The following DLG3 variants were observed in gnomAD, a reference collection of about 807,000 sequenced individuals.
DLG3 encodes the protein discs large MAGUK scaffold protein 3, also known as disks large homolog 3.
Under a neutral mutation model 64.1 loss-of-function variants are expected in DLG3, and 1 was observed. The ratio of observed to expected loss-of-function variants is 0.02; its 90% CI spans 0.01 to 0.07. DLG3 has a LOEUF of 0.07. DLG3 is among the 10% of genes least tolerant of loss of function. The pLI, the probability that DLG3 is intolerant of heterozygous loss-of-function variation, is 1.00. For missense variants in DLG3, 429 were observed against 669.5 expected, an observed-to-expected ratio of 0.64 and a Z score of 3.96; for synonymous variants, 245 against 259.8, an observed-to-expected ratio of 0.94 and a Z score of 0.55.
intron 9 of DLG3, chrX:70,456,034 G>C (rs1004066016): frequency 8.9e-6 from 1 of 112,265 alleles, no homozygotes; most frequent in Non-Finnish European, 1.9e-5. Flanking sequence ...CCTTTTCCAC[G>C]AGGCTCTTCT....
intron 7 of DLG3, chrX:70,452,589 A>G: frequency 8.5e-7 from 1 of 1,172,322 alleles, no homozygotes; most frequent in Non-Finnish European, 1.1e-6. Context: ...TGGAGCCGGA[A>G]GGGTAGGCAG....
chrX:70,457,745 G>A (rs1480955615), intron 9 of DLG3, among the ~76,000 whole-genome samples: 3 of 109,153 alleles, frequency 2.7e-5, no homozygotes, highest in Non-Finnish European at 5.7e-5. Context: ...CTAATTTTTT[G>A]TATTTTTAGT....
At chrX:70,489,894 G>A (rs749150342) in intron 10 of DLG3, among the ~76,000 whole-genome samples, 1 of 109,596 alleles carries the variant, frequency 9.1e-6, no homozygotes, top group Non-Finnish European at 1.9e-5. Context: ...ACAGAGTCTC[G>A]CTCTGTCACC....
chrX:70,451,953 G>A lies in DLG3; in HGVS notation c.1072G>A (p.Ala358Thr), dbSNP rs2086622825. 3.3e-6 allele frequency: 4 copies of A among 1,209,073 alleles called. No individual in the cohort carries two copies. The highest frequency in any genetic ancestry group is 1.8e-5 in the South Asian group (1 of 56,668). The change falls in exon 7 of 19, where the codon GCT (alanine) becomes ACT (threonine). Residue 358 changes from alanine (A) to threonine (T), a missense_variant. By Grantham distance (58) the Ala-to-Thr change is moderately conservative (BLOSUM62 0). This residue lies in a region of DLG3 where 54 missense variants were observed against 54.4 expected (regional missense o/e 0.99). Coordinates refer to ENST00000374360, the MANE Select transcript of DLG3 (RefSeq NM_021120.4). ...GAVESKVSYP[A>T]PPQVPPTRYS... ...TGTGGAGAGCAAGGTCAGCTACCCT[G>A]CTCCTCCTCAGGTTCCCCCCACCCG...
At chrX:70,452,369 A>G in intron 7 of DLG3, 1 of 969,340 alleles carries the variant, frequency 1.0e-6, no homozygotes, top group Non-Finnish European at 1.3e-6. Flanking sequence ...GCTCTGCTGC[A>G]ACCATTTCAA....
chrX:70,479,389 A>C, intron 10 of DLG3, 125 bp downstream of exon 10: 12 of 565,332 alleles, frequency 2.1e-5, no homozygotes, highest in Non-Finnish European at 3.4e-5. Context: ...AACGCTTCTC[A>C]CTGTATGCTT....
At chrX:70,500,389 G>A in intron 16 of DLG3, 82 bp from the exon 17 acceptor site, 2 of 864,690 alleles carry the variant, frequency 2.3e-6, no homozygotes, top group Non-Finnish European at 1.7e-6. Context: ...GGCCAAGGTG[G>A]ATGTTTAGAA....
intron 10 of DLG3, among the ~76,000 whole-genome samples, chrX:70,487,871 G>A (rs780716569): frequency 4.6e-5 from 5 of 109,539 alleles, no homozygotes; most frequent in African/African-American, 1.7e-4. Context: ...GGCTGGTCTC[G>A]AACTCCCAAC....
chrX:70,490,639 T>C (rs942187971), intron 10 of DLG3, among the ~76,000 whole-genome samples: 1 of 112,571 alleles, frequency 8.9e-6, no homozygotes, highest in African/African-American at 3.2e-5. Flanking sequence ...TACTACATCC[T>C]ATCTCATTTG....
rs1024847164 is a variant in DLG3 at position 70,492,439 on chromosome X, A to G, written c.1698-82A>G. 16 of 1,131,520 alleles carry G rather than the reference A, an allele frequency of 1.4e-5. No homozygotes were observed. The African/African-American group carries it at 2.7e-4, about 19-fold the overall frequency. 93.2% of individuals were successfully genotyped at this position (1,131,520 alleles called of 1,213,427 possible). A position where few individuals can be genotyped will look rare whatever the true frequency, so the allele number is the denominator to read the frequency against. ...CATGGTTTTTACTCAGTGAGCCAAA[A>G]AAATGGCTGCTGTGCCTGCTGCAAC... is the stretch of plus-strand genomic sequence containing the variant. On this transcript the variant is annotated intron_variant, in intron 11 of 18. Coordinates refer to ENST00000374360, the MANE Select transcript of DLG3 (RefSeq NM_021120.4).
chrX:70,455,264 G>T, intron 9 of DLG3: 1 of 754,650 alleles, frequency 1.3e-6, no homozygotes, highest in African/African-American at 2.3e-5. Context: ...CCGGCGCCAG[G>T]TGAGGTGGGG....
intron 9 of DLG3, among the ~76,000 whole-genome samples, chrX:70,478,724 G>A (rs1390129288): frequency 5.4e-5 from 6 of 111,433 alleles, no homozygotes; most frequent in Middle Eastern, 4.2e-3. Flanking sequence ...TCCGCTCTGC[G>A]TCTCAGGGCC....
At chrX:70,459,525 C>T (rs1256714331) in intron 9 of DLG3, among the ~76,000 whole-genome samples, 3 of 112,053 alleles carry the variant, frequency 2.7e-5, no homozygotes, top group South Asian at 3.8e-4. Context: ...CTGAAATTCC[C>T]GTTGTCATCC....
At position 70,499,554 on chromosome X, in the gene DLG3, T is replaced by C. The variant is rs1445440936; in HGVS notation, c.1972+277T>C. Among the ~76,000 whole-genome samples, 7 of 111,685 alleles carry C rather than the reference T, an allele frequency of 6.3e-5. No individual in the cohort carries two copies. In the East Asian group the frequency reaches 2.0e-3, roughly 31 times the overall value. On this transcript the variant is annotated intron_variant, in intron 15 of 18. Coordinates refer to ENST00000374360, the MANE Select transcript of DLG3 (RefSeq NM_021120.4). The stretch of plus-strand genomic sequence containing the variant: ...ATACGGAGGCCCAGCCAAAGTGGTG[T>C]TGATGTGACTCCATTAACAGTTTGT...
intron 9 of DLG3, among the ~76,000 whole-genome samples, chrX:70,466,796 A>C (rs1401441029): frequency 8.9e-6 from 1 of 111,980 alleles, no homozygotes; most frequent in Non-Finnish European, 1.9e-5. Flanking sequence ...ATGTGGTCAA[A>C]TCTATTAATG....
chrX:70,445,269 G>T lies in DLG3; in HGVS notation c.68G>T (p.Arg23Leu). 8.6e-7 allele frequency: 1 copy of T among 1,164,730 alleles called. No homozygotes were observed. Among genetic ancestry groups the T allele is most frequent in the Non-Finnish European group, 1.1e-6 (1 of 873,129 alleles). Residue 23 changes from arginine (R) to leucine (L), a missense_variant, in exon 1 of 19, where the codon CGG becomes CTG. Physicochemically the swap from Arg to Leu is moderately radical, Grantham distance 102. Transcript: ENST00000374360. ...CYEVTRLAAL[R>L]RLEPPGYGDW... The stretch of plus-strand genomic sequence containing the variant: ...GAGGTGACCCGCCTGGCCGCCCTGC[G>T]GCGCCTCGAGCCTCCGGGCTACGGC...
intron 7 of DLG3, chrX:70,452,727 C>A (rs2086636689): frequency 1.7e-6 from 2 of 1,194,982 alleles, no homozygotes; most frequent in African/African-American, 3.5e-5. Context: ...CTGGCCGCTC[C>A]GCTCCCTGCG....
chrX:70,467,009 C>T (rs1009106310), intron 9 of DLG3, among the ~76,000 whole-genome samples: 1 of 111,329 alleles, frequency 9.0e-6, no homozygotes, highest in African/African-American at 3.3e-5. Context: ...AACTCCTAGG[C>T]TCATGTGATC....
rs1255486596 is a variant in DLG3, at chrX:70,470,420, AG to A, written c.1406-8727del. Among the ~76,000 whole-genome samples, 4 of 110,777 alleles carry A rather than the reference AG, an allele frequency of 3.6e-5. No individual in the cohort carries two copies. In the East Asian group the frequency reaches 1.1e-3, roughly 32 times the overall value. On this transcript the variant is annotated intron_variant, in intron 9 of 18. Coordinates refer to ENST00000374360, the MANE Select transcript of DLG3 (RefSeq NM_021120.4). ...TAATTTTTGTATTTTTAGTAGAGAC[AG>A]GGTTTCACCATGTTGGCCAGGCTGG...
Sources: allele counts gnomAD v4.1 joint callset (sites outside exome capture counted in the v4.1 genomes callset), GRCh38; gene constraint gnomAD v4.1.1; regional missense constraint gnomAD v4.1.1; transcripts MANE v1.5; gene names NCBI Gene and HGNC (gene_info 2026-07-23, HGNC 2026-07-21).